LAMA1: variants seen among roughly 807,000 people sequenced by gnomAD.
The protein encoded by LAMA1 is laminin subunit alpha-1.
Under a neutral mutation model 348.7 loss-of-function variants are expected in LAMA1, and 219 were observed. The ratio of observed to expected loss-of-function variants is 0.63; its 90% CI spans 0.56 to 0.70. The LOEUF (loss-of-function observed/expected upper bound fraction) is 0.70, where lower values mean the gene tolerates loss of function less well. Ranked by LOEUF, LAMA1 falls within the 30% of genes least tolerant of loss-of-function variation. The pLI is 0.00. For synonymous variants in LAMA1, 1,487 were observed against 1,491.0 expected (o/e 1.00, Z 0.06); for missense variants, 3,744 against 3,888.0 (o/e 0.96, Z 0.99).
At chr18:7,094,985 G>A (rs551714824) in intron 1 of LAMA1, among the ~76,000 whole-genome samples, 71 of 151,504 alleles carry the variant, frequency 4.7e-4, no homozygotes, top group Non-Finnish European at 8.8e-4. Flanking sequence ...TTGTAGATAG[G>A]AAGATTCAAC....
intron 55 of LAMA1, 22 bp from the exon 56 acceptor site, chr18:6,956,787 T>C (rs768012390): frequency 1.2e-6 from 2 of 1,613,870 alleles, no homozygotes; most frequent in South Asian, 2.2e-5. Context: ...CAAGAGAGTG[T>C]TTTCAAAATT....
At chr18:7,038,784 C>CCTG (rs1568041856) in intron 11 of LAMA1, 26 bp downstream of exon 11, 1 of 1,613,104 alleles carries the variant, frequency 6.2e-7, no homozygotes, top group Non-Finnish European at 8.5e-7. Flanking sequence ...CTCATTAAAT[C>CCTG]CCGCCGCGCA....
chr18:7,098,610 C>A lies in LAMA1; in HGVS notation c.62-18153G>T, dbSNP rs555956210. Among the ~76,000 whole-genome samples, 14 of 150,612 alleles carry A rather than the reference C, an allele frequency of 9.3e-5. No homozygotes were observed. In the South Asian group the frequency reaches 1.7e-3, roughly 18 times the overall value. On this transcript the variant is annotated intron_variant, in intron 1 of 62. Coordinates refer to ENST00000389658, the MANE Select transcript of LAMA1 (RefSeq NM_005559.4). ...CTGAGAAGTGAGGAGACCCTCTGCC[C>A]GGCAACCGCCCCGTCTGAGAAGTGA...
Position 6,986,298 on chromosome 18 carries a change from G to A in LAMA1, c.5218C>T (p.Leu1740=). Residue 1740 remains leucine (L), a synonymous_variant, in exon 37 of 63, where the codon CTG becomes TTG. Transcript: ENST00000389658. ...TCTTTCAATACCTCCAATTCTTCCA[G>A]CGGCTTCTGGTAATTTTCCTGAATT... The part of the protein sequence containing the change: ...SQIQENYQKP[L]EELEVLKEAA... The A allele has an allele frequency of 6.2e-7, 1 of 1,614,154 alleles. No individual in the cohort carries two copies.
At chr18:7,074,001 A>C (rs916216844) in intron 3 of LAMA1, among the ~76,000 whole-genome samples, 1 of 151,138 alleles carries the variant, frequency 6.6e-6, no homozygotes, top group East Asian at 1.9e-4. Context: ...CGCCCGGCTA[A>C]TTTTTTGTAT....
chr18:7,084,377 C>A (rs895334475), intron 1 of LAMA1, among the ~76,000 whole-genome samples: 2 of 152,114 alleles, frequency 1.3e-5, no homozygotes, highest in African/African-American at 4.8e-5. Flanking sequence ...TTTGGTTTTA[C>A]ACATAAAAAT....
chr18:6,958,303 T>C (rs1167739358), intron 55 of LAMA1, among the ~76,000 whole-genome samples, 174 bp downstream of exon 55: 1 of 152,150 alleles, frequency 6.6e-6, no homozygotes, highest in Non-Finnish European at 1.5e-5. Flanking sequence ...AACATTCTAA[T>C]CCAATAAAAT....
chr18:6,979,869 A>C (rs981496657), intron 42 of LAMA1, among the ~76,000 whole-genome samples: 35 of 152,210 alleles, frequency 2.3e-4, no homozygotes, highest in African/African-American at 7.2e-4. Flanking sequence ...ACTGCACTCC[A>C]GCCTGGGCGA....
Position 7,029,851 on chromosome 18 carries a change from A to C in LAMA1, c.2274+2215T>G, listed in dbSNP as rs676833. ...AAACAGGGGCTCTAAGAGCAACTGG[A>C]ACCTCATCTCTAATGAACTGTGAAT... On this transcript the variant is annotated intron_variant, in intron 16 of 62. Coordinates refer to ENST00000389658, the MANE Select transcript of LAMA1 (RefSeq NM_005559.4). 4.7e-3 allele frequency among the ~76,000 whole-genome samples: 721 copies of C among 152,292 alleles called. 3 individuals carry two copies. The highest frequency in any genetic ancestry group is 0.011 in the African/African-American group (457 of 41,558).
intron 1 of LAMA1, among the ~76,000 whole-genome samples, chr18:7,104,972 A>G (rs1329638409): frequency 3.9e-5 from 6 of 152,184 alleles, no homozygotes; most frequent in Non-Finnish European, 8.8e-5. Context: ...CTGTAAGTCA[A>G]TATAGGCAGA....
At chr18:7,043,069 A>C in intron 8 of LAMA1, 158 bp downstream of exon 8, 1 of 696,842 alleles carries the variant, frequency 1.4e-6, no homozygotes, top group Non-Finnish European at 2.4e-6. Flanking sequence ...GAAAAGCAGG[A>C]TAGAGTAGGA....
chr18:6,980,282 A>G (rs1368596547), intron 42 of LAMA1, among the ~76,000 whole-genome samples: 1 of 152,218 alleles, frequency 6.6e-6, no homozygotes, highest in East Asian at 1.9e-4. Flanking sequence ...GATACTATGC[A>G]GTCTCTGTTT....
In LAMA1 at chr18:6,955,049, G is replaced by A. The variant is rs79117639; in HGVS notation, c.8207+304C>T. On this transcript the variant is annotated intron_variant, in intron 57 of 62. Transcript: ENST00000389658. ...AAAGTGGAATGGGGTTGAAAGTCCAGACAATAATAGATCCAGGAGACTTAA... is the reference window on the plus strand; with the variant it reads ...AAAGTGGAATGGGGTTGAAAGTCCAAACAATAATAGATCCAGGAGACTTAA... The A allele has an allele frequency of 7.9e-3, 3,279 of 414,972 alleles. 100 individuals are homozygous for A. The highest frequency in any genetic ancestry group is 0.06 in the African/African-American group (2,930 of 49,052). The allele number at this position is 414,972 out of a possible 1,614,324, so 25.7% of individuals were successfully genotyped here. A position where few individuals can be genotyped will look rare whatever the true frequency, so the allele number is the denominator to read the frequency against.
rs371303337 is a variant in LAMA1 at position 7,013,989 on chromosome 18, G to A, written c.3189C>T (p.Cys1063=). 3.5e-5 allele frequency: 57 copies of A among 1,613,738 alleles called. No homozygotes were observed. The highest frequency in any genetic ancestry group is 4.7e-5 in the Non-Finnish European group (56 of 1,179,900). ...GGCCACCAAATTTTGACTTGCACTG[G>A]CAATGGCCGGTGACCACATCGCACC... ...HHRCDVVTGH[C]QCKSKFGGRA... is the part of the protein sequence containing the mutation. Residue 1063 remains cysteine, a synonymous_variant, in exon 23 of 63, where the codon TGC becomes TGT. Coordinates refer to ENST00000389658, the MANE Select transcript of LAMA1 (RefSeq NM_005559.4).
intron 40 of LAMA1, 34 bp from the exon 41 acceptor site, chr18:6,982,624 C>A: frequency 2.5e-6 from 4 of 1,573,400 alleles, no homozygotes; most frequent in Non-Finnish European, 3.5e-6. Flanking sequence ...GTGGTGAGAG[C>A]AGGGCAGGGT....
intron 49 of LAMA1, 151 bp downstream of exon 49, chr18:6,965,996 C>G: frequency 1.3e-6 from 1 of 782,358 alleles, no homozygotes; most frequent in Admixed American, 2.7e-5. Context: ...GTTTAGCACA[C>G]ACATATATTA....
chr18:7,009,108 A>C (rs2057846761), intron 27 of LAMA1, 131 bp downstream of exon 27: 1 of 981,840 alleles, frequency 1.0e-6, no homozygotes, highest in East Asian at 2.4e-5. Flanking sequence ...AATATTTAAC[A>C]ATGTTTTGGT....
chr18:7,034,787 T>C, intron 13 of LAMA1, 97 bp from the exon 14 acceptor site: 2 of 1,117,032 alleles, frequency 1.8e-6, no homozygotes, highest in East Asian at 2.6e-5. Flanking sequence ...TGGTTTTTCA[T>C]TCGTGCCTAG....
chr18:6,980,468 A>G (rs1483654802), intron 42 of LAMA1, 53 bp downstream of exon 42: 10 of 1,143,090 alleles, frequency 8.7e-6, no homozygotes, highest in Non-Finnish European at 1.1e-5. Flanking sequence ...TTCCTGAGTG[A>G]TGCTTTTACA....
Sources: allele counts gnomAD v4.1 joint callset (sites outside exome capture counted in the v4.1 genomes callset), GRCh38; gene constraint gnomAD v4.1.1; transcripts MANE v1.5; gene names NCBI Gene and HGNC (gene_info 2026-07-23, HGNC 2026-07-21).